GSDMD: variants seen among roughly 807,000 people sequenced by gnomAD.
GSDMD encodes gasdermin-D.
GSDMD carries 46 observed loss-of-function variants against 46.7 expected under a neutral mutation model. The ratio of observed to expected loss-of-function variants is 0.99; its 90% CI spans 0.78 to 1.26. The LOEUF (loss-of-function observed/expected upper bound fraction) is 1.26. GSDMD is among the 50% of genes most tolerant of loss of function. GSDMD has a pLI of 0.00. For synonymous variants in GSDMD, 307 were observed against 283.1 expected (o/e 1.08, Z -0.85); for missense variants, 649 against 638.8 (o/e 1.02, Z -0.17).
chr8:143,560,511 C>A, intron 3 of GSDMD, 92 bp from the exon 4 acceptor site: 1 of 1,393,574 alleles, frequency 7.2e-7, no homozygotes, highest in South Asian at 1.4e-5. Context: ...GGCCCCTCTG[C>A]ACCACCTCCC....
At chr8:143,557,338 G>A (rs1467804110), upstream of GSDMD, among the ~76,000 whole-genome samples, 17 of 32,596 alleles carry the variant, frequency 5.2e-4, no homozygotes, top group Admixed American at 1.6e-3. Flanking sequence ...CCGCTATGGT[G>A]AAGGATGCTG....
At chr8:143,557,833 C>G (rs1411333150), upstream of GSDMD, 1 of 345,168 alleles carries the variant, frequency 2.9e-6, no homozygotes, top group Non-Finnish European at 5.7e-6. Context: ...AGGGCAATTT[C>G]TACATTTTGT....
Position 143,561,035 on chromosome 8 carries a change from A to G in GSDMD, c.613A>G (p.Thr205Ala). The change falls in exon 5 of 11, where the codon ACG (threonine) becomes GCG (alanine). Residue 205 changes from threonine (T) to alanine (A), a missense_variant. Transcript: ENST00000262580. ...EGQGHLSQKK[T>A]VTIPSGSTLA... is the part of the protein sequence containing the mutation. The stretch of plus-strand genomic sequence containing the variant: ...CCAGGGCCATCTGAGCCAGAAGAAG[A>G]CGGTCACCATCCCCTCAGGCAGCAC... 4 of 1,613,010 alleles carry G rather than the reference A, an allele frequency of 2.5e-6. No individual in the cohort carries two copies. The highest frequency in any genetic ancestry group is 2.5e-6 in the Non-Finnish European group (3 of 1,179,946).
upstream of GSDMD, chr8:143,558,286 CG>C (rs1030526576): frequency 1.4e-6 from 2 of 1,385,446 alleles, no homozygotes; most frequent in Admixed American, 2.6e-5. Flanking sequence ...GGAAGGGGGC[CG>C]GGGCGGGCTC....
upstream of GSDMD, among the ~76,000 whole-genome samples, chr8:143,556,848 A>G (rs1823306007): frequency 6.6e-6 from 1 of 152,380 alleles, no homozygotes; most frequent in South Asian, 2.1e-4. Flanking sequence ...TTAATGAGAC[A>G]TAATTGTGTA....
At chr8:143,557,016 C>T (rs576379983), upstream of GSDMD, among the ~76,000 whole-genome samples, 26 of 152,380 alleles carry the variant, frequency 1.7e-4, no homozygotes, top group South Asian at 2.9e-3. Context: ...ACCCCCGTCC[C>T]GGGCACCGGC....
chr8:143,559,280 T>TCCCCC, intron 1 of GSDMD, 52 bp from the exon 2 acceptor site: 40 of 579,400 alleles, frequency 6.9e-5, no homozygotes, highest in South Asian at 2.3e-4. Flanking sequence ...CTTCTCCCAC[T>TCCCCC]CCCTCCCGCC....
In GSDMD at chr8:143,561,785, C is replaced by A. The variant is rs1272791828; in HGVS notation, c.780C>A (p.Pro260=). The A allele has an allele frequency of 1.9e-6, 3 of 1,610,580 alleles. No individual in the cohort carries two copies. The highest frequency in any genetic ancestry group is 1.7e-6 in the Non-Finnish European group (2 of 1,178,882). The change falls in exon 7 of 11, where the codon CCC becomes CCA. Residue 260 remains proline (P), a synonymous_variant. Transcript: ENST00000262580. Reference sequence around the variant, plus strand: ...GCGAAGGCGCCTGGCCACAGCTGCCCTCTGGCCTCTCCATGATGAGGTGCC... The same window carrying A: ...GCGAAGGCGCCTGGCCACAGCTGCCATCTGGCCTCTCCATGATGAGGTGCC... The part of the protein sequence containing the change: ...STSEGAWPQL[P]SGLSMMRCLH...
upstream of GSDMD, among the ~76,000 whole-genome samples, chr8:143,557,357 G>GCAAAGGATGCTGCCGCTATGA (rs1823323619): frequency 1.1e-5 from 1 of 90,218 alleles, no homozygotes; most frequent in Non-Finnish European, 2.4e-5. Flanking sequence ...TGCCGCTTTG[G>GCAAAGGATGCTGCCGCTATGA]CGAAGGATGC....
At chr8:143,559,280 TCCCTCCC>T in intron 1 of GSDMD, 45 bp from the exon 2 acceptor site, 20 of 579,406 alleles carry the variant, frequency 3.5e-5, no homozygotes, top group Admixed American at 5.4e-5. Flanking sequence ...CTTCTCCCAC[TCCCTCCC>T]GCCCGCCCCG....
chr8:143,554,703 GCATA>G (rs1479319347), upstream of GSDMD, among the ~76,000 whole-genome samples: 6 of 146,208 alleles, frequency 4.1e-5, no homozygotes, highest in African/African-American at 7.7e-5. Context: ...GCAAGCACCC[GCATA>G]CAAACAGGCA....
intron 1 of GSDMD, chr8:143,558,999 C>A: frequency 5.0e-6 from 2 of 403,966 alleles, no homozygotes; most frequent in South Asian, 2.6e-5. Context: ...GCACCACGCT[C>A]AGGAGGTGAC....
rs1228493617 is a variant in GSDMD at position 143,561,449 on chromosome 8, G to A, written c.736+26G>A. On this transcript the variant is annotated intron_variant, in intron 6 of 10. Transcript: ENST00000262580. ...GTGAGAGCCGAGAGCCCCCAGCATG[G>A]GGTGTCCGGTGGGAAAAGCACACTC... 11 of 1,605,132 alleles carry A rather than the reference G, an allele frequency of 6.9e-6. No homozygotes were observed. The East Asian group carries it at 2.2e-4, about 33-fold the overall frequency.
chr8:143,563,045 G>A lies in GSDMD; in HGVS notation c.*141G>A. The stretch of plus-strand genomic sequence containing the variant: ...CCAGGAGTTGGGGAAACACAATAAA[G>A]GTGGCATACGAAGGAAAGGCTGGTA... On this transcript the variant is annotated 3_prime_UTR_variant, in exon 11 of 11. Transcript: ENST00000262580. The A allele has an allele frequency of 8.6e-7, 1 of 1,158,542 alleles. No individual in the cohort carries two copies. The highest frequency in any genetic ancestry group is 1.2e-6 in the Non-Finnish European group (1 of 809,486). 71.8% of individuals were successfully genotyped at this position (1,158,542 alleles called of 1,614,324 possible). A position where few individuals can be genotyped will look rare whatever the true frequency, so the allele number is the denominator to read the frequency against.
At chr8:143,560,078 C>A in intron 3 of GSDMD, 109 bp downstream of exon 3, 1 of 1,079,892 alleles carries the variant, frequency 9.3e-7, no homozygotes, top group Non-Finnish European at 1.4e-6. Flanking sequence ...TTTGCTATCT[C>A]GGCCAGGGTG....
chr8:143,557,732 G>T (rs1361369596), upstream of GSDMD, among the ~76,000 whole-genome samples: 2 of 152,204 alleles, frequency 1.3e-5, no homozygotes, highest in Non-Finnish European at 1.5e-5. Context: ...TTAGTAATAC[G>T]ACCATCTTTG....
At chr8:143,554,935 C>T (rs898255135), upstream of GSDMD, 3 of 152,298 alleles carry the variant, frequency 2.0e-5, no homozygotes, top group African/African-American at 7.2e-5. Flanking sequence ...GTACCCCCTG[C>T]CCTAGGTGCC....
At chr8:143,560,559 T>C in intron 3 of GSDMD, 44 bp from the exon 4 acceptor site, 3 of 1,525,902 alleles carry the variant, frequency 2.0e-6, no homozygotes, top group Non-Finnish European at 2.6e-6. Flanking sequence ...GAAGACGCCT[T>C]CAGGGGCTGC....
Position 143,562,140 on chromosome 8 carries a change from G to T in GSDMD, c.996+9G>T. The T allele has an allele frequency of 6.3e-7, 1 of 1,598,316 alleles. No individual in the cohort carries two copies. Among genetic ancestry groups the T allele is most frequent in the Non-Finnish European group, 8.5e-7 (1 of 1,179,300 alleles). On this transcript the variant is annotated intron_variant, in intron 8 of 10. Transcript: ENST00000262580. ...GAGCCTTGGAGGAGGCGGTGAGCGGGGGAGGGTGCCCGGGGCACACAAGGC... is the reference window on the plus strand; with the variant it reads ...GAGCCTTGGAGGAGGCGGTGAGCGGTGGAGGGTGCCCGGGGCACACAAGGC...
Sources: allele counts gnomAD v4.1 joint callset (sites outside exome capture counted in the v4.1 genomes callset), GRCh38; gene constraint gnomAD v4.1.1; transcripts MANE v1.5; gene names NCBI Gene and HGNC (gene_info 2026-07-23, HGNC 2026-07-21).